CACNA1E: variants seen among roughly 807,000 people sequenced by gnomAD.
CACNA1E encodes calcium voltage-gated channel subunit alpha1 E.
A neutral mutation model predicts 259.2 loss-of-function variants in CACNA1E; 40 were observed. The observed-to-expected ratio is 0.15, with a 90% CI of 0.12 to 0.20. CACNA1E has a LOEUF of 0.20. Among genes scored for constraint, CACNA1E ranks in the 10% least tolerant of loss-of-function variants. CACNA1E has a pLI of 1.00. For missense variants in CACNA1E, 1,874 were observed against 3,040.1 expected (o/e 0.62, Z 9.02); for synonymous variants, 1,104 against 1,138.5 (o/e 0.97, Z 0.61).
intron 36 of CACNA1E, 41 bp from the exon 37 acceptor site, chr1:181,772,025 G>C (rs376400670): frequency 2.9e-5 from 46 of 1,592,242 alleles, no homozygotes; most frequent in Non-Finnish European, 3.8e-5. Context: ...GATAGGATCT[G>C]CAGAGCTGCT....
chr1:181,797,915 G>T (rs1396011950), intron 47 of CACNA1E, among the ~76,000 whole-genome samples: 2 of 152,146 alleles, frequency 1.3e-5, no homozygotes, highest in Non-Finnish European at 2.9e-5. Context: ...CTTTTAGTGT[G>T]CCCCTTGTTA....
chr1:181,511,230 G>A (rs1333917405), intron 2 of CACNA1E, 141 bp from the exon 3 acceptor site: 1 of 911,116 alleles, frequency 1.1e-6, no homozygotes, highest in Non-Finnish European at 1.7e-6. Flanking sequence ...AGCCTGCAAG[G>A]GTCCCTTAGC....
At chr1:181,578,971 C>T (rs1006036398) in intron 4 of CACNA1E, 101 bp from the exon 5 acceptor site, 47 of 997,296 alleles carry the variant, frequency 4.7e-5, no homozygotes, top group Non-Finnish European at 5.2e-5. Flanking sequence ...CAGAGGCAGA[C>T]GGCAGCATGG....
chr1:181,692,510 C>A (rs746576254), intron 7 of CACNA1E, among the ~76,000 whole-genome samples: 3 of 152,116 alleles, frequency 2.0e-5, no homozygotes, highest in Non-Finnish European at 4.4e-5. Flanking sequence ...AAACCTACAG[C>A]CATCTGATCT....
At chr1:181,784,609 TC>T in intron 40 of CACNA1E, 51 bp from the exon 41 acceptor site, 2 of 1,263,506 alleles carry the variant, frequency 1.6e-6, no homozygotes, top group Non-Finnish European at 2.2e-6. Context: ...CCTCCCTCAG[TC>T]CTGGTTATTT....
intron 2 of CACNA1E, among the ~76,000 whole-genome samples, chr1:181,449,472 A>C (rs553630927): frequency 2.1e-4 from 32 of 152,230 alleles, no homozygotes; most frequent in Non-Finnish European, 4.3e-4. Flanking sequence ...CTGTCTTTGC[A>C]CATTGATTGA....
chr1:181,746,117 A>C (rs1173034094), intron 25 of CACNA1E, among the ~76,000 whole-genome samples: 1 of 152,232 alleles, frequency 6.6e-6, no homozygotes, highest in Non-Finnish European at 1.5e-5. Flanking sequence ...ACCCCAAGAA[A>C]TGCTGAGGCA....
chr1:181,587,381 C>T (rs752098650), intron 6 of CACNA1E, among the ~76,000 whole-genome samples: 1 of 152,082 alleles, frequency 6.6e-6, no homozygotes, highest in Non-Finnish European at 1.5e-5. Context: ...GTGTTTTCCT[C>T]TGGTCACATT....
chr1:181,626,908 GA>G (rs1316058425), intron 6 of CACNA1E, among the ~76,000 whole-genome samples: 1 of 152,114 alleles, frequency 6.6e-6, no homozygotes, highest in Non-Finnish European at 1.5e-5. Flanking sequence ...CTAAATTCAG[GA>G]AAACATGCCC....
At chr1:181,566,174 G>A (rs1329627014) in intron 3 of CACNA1E, among the ~76,000 whole-genome samples, 1 of 152,100 alleles carries the variant, frequency 6.6e-6, no homozygotes, top group Non-Finnish European at 1.5e-5. Flanking sequence ...CTAGCTATTA[G>A]CCATTATCTT....
At chr1:181,556,057 C>T (rs548148497) in intron 3 of CACNA1E, among the ~76,000 whole-genome samples, 25 of 152,350 alleles carry the variant, frequency 1.6e-4, no homozygotes, top group African/African-American at 5.0e-4. Context: ...CTATTGTCAC[C>T]TCCTTTGTTG....
intron 1 of CACNA1E, among the ~76,000 whole-genome samples, chr1:181,326,233 C>T (rs185050688): frequency 9.9e-5 from 15 of 152,250 alleles, no homozygotes; most frequent in African/African-American, 2.6e-4. Context: ...CTGCAGAACC[C>T]GAGATCATAG....
intron 6 of CACNA1E, among the ~76,000 whole-genome samples, chr1:181,645,472 C>T (rs571485270): frequency 6.6e-6 from 1 of 152,278 alleles, no homozygotes; most frequent in South Asian, 2.1e-4. Context: ...GGCATGTCTT[C>T]ATCTTAATCT....
At chr1:181,645,328 G>T (rs1248170912) in intron 6 of CACNA1E, among the ~76,000 whole-genome samples, 1 of 152,090 alleles carries the variant, frequency 6.6e-6, no homozygotes, top group Non-Finnish European at 1.5e-5. Context: ...AAAATCCGGG[G>T]TACCTTTATG....
rs704331 is a variant in CACNA1E, at chr1:181,755,073, A to G, written c.3829-164A>G. ...TGCAGTCATAACCAGCTTAGAAGCCAGCCCTTAATCTCATGAGCACCACCT... is the reference window on the plus strand; with the variant it reads ...TGCAGTCATAACCAGCTTAGAAGCCGGCCCTTAATCTCATGAGCACCACCT... On this transcript the variant is annotated intron_variant, in intron 27 of 47. Transcript: ENST00000367573. Among the ~76,000 whole-genome samples, 58,181 of 151,942 alleles carry G rather than the reference A, an allele frequency of 0.38. 12,719 individuals are homozygous for G. Among genetic ancestry groups the G allele is most frequent in the Non-Finnish European group, 0.5 (33,735 of 67,938 alleles).
Position 181,471,011 on chromosome 1 carries a change from G to A in CACNA1E, c.435-12733G>A, listed in dbSNP as rs111564289. Reference sequence around the variant, plus strand: ...GGAGCCTGGGAAGTCAAAGATCAAAGTGCTGGCAGGTTAAATGTCTGTCGA... The same window carrying A: ...GGAGCCTGGGAAGTCAAAGATCAAAATGCTGGCAGGTTAAATGTCTGTCGA... On this transcript the variant is annotated intron_variant, in intron 2 of 11. Coordinates refer to the CACNA1E transcript ENST00000524607. 5.5e-3 allele frequency among the ~76,000 whole-genome samples: 839 copies of A among 152,304 alleles called. 9 individuals carry two copies. The highest frequency in any genetic ancestry group is 0.019 in the African/African-American group (804 of 41,572).
In CACNA1E at chr1:181,624,567, C is replaced by A. The variant is rs191544322; in HGVS notation, c.952-26771C>A. On this transcript the variant is annotated intron_variant, in intron 6 of 47. Coordinates refer to ENST00000367573, the MANE Select transcript of CACNA1E (RefSeq NM_001205293.3). ...CAAAAAGTAAAAAGCAACTCCTCAT[C>A]AATGAAAATTTTATCATGAGATTGC... Among the ~76,000 whole-genome samples the A allele has an allele frequency of 3.2e-4, 48 of 152,282 alleles. 1 individual carries two copies. The highest frequency in any genetic ancestry group is 1.1e-3 in the African/African-American group (47 of 41,568).
intron 34 of CACNA1E, among the ~76,000 whole-genome samples, chr1:181,765,393 C>A (rs1433072853): frequency 6.6e-6 from 1 of 152,142 alleles, no homozygotes; most frequent in East Asian, 1.9e-4. Flanking sequence ...GCACAAGAAA[C>A]CCTGTCCTTC....
At chr1:181,539,046 A>C (rs1360642691) in intron 3 of CACNA1E, among the ~76,000 whole-genome samples, 5 of 152,156 alleles carry the variant, frequency 3.3e-5, no homozygotes, top group Non-Finnish European at 7.3e-5. Context: ...GGTTCCTTGA[A>C]TTGTGTGCTA....
Sources: gnomAD v4.1 joint callset for allele counts (sites outside exome capture counted in the v4.1 genomes callset) on GRCh38, gnomAD v4.1.1 for gene constraint, MANE v1.5 for transcripts, NCBI Gene and HGNC (gene_info 2026-07-23, HGNC 2026-07-21) for gene names.